The following FNIP1 variants were observed in gnomAD, a reference collection of about 807,000 sequenced individuals.
The protein encoded by FNIP1 is folliculin interacting protein 1.
Under a neutral mutation model 124.5 loss-of-function variants are expected in FNIP1, and 40 were observed. The observed-to-expected ratio is 0.32, with a 90% CI of 0.25 to 0.42. The LOEUF (loss-of-function observed/expected upper bound fraction) is 0.42. FNIP1 is among the 10% of genes least tolerant of loss of function. The pLI, the probability that FNIP1 is intolerant of heterozygous loss-of-function variation, is 1.00. For synonymous variants in FNIP1, 472 were observed against 470.6 expected, an observed-to-expected ratio of 1.00 and a Z score of -0.04; for missense variants, 1,176 against 1,403.7, an observed-to-expected ratio of 0.84 and a Z score of 2.59.
At chr5:131,723,013 T>C (rs1769726493) in intron 3 of FNIP1, among the ~76,000 whole-genome samples, 1 of 152,164 alleles carries the variant, frequency 6.6e-6, no homozygotes, top group Admixed American at 6.6e-5. Context: ...AAAAAAGTCA[T>C]TTCTGTCATA....
intron 10 of FNIP1, among the ~76,000 whole-genome samples, chr5:131,703,551 A>G (rs919188039): frequency 6.6e-6 from 1 of 152,226 alleles, no homozygotes; most frequent in African/African-American, 2.4e-5. Flanking sequence ...TACTCCTGCA[A>G]TAAGGCCTTT....
At chr5:131,712,175 T>C (rs142266907) in intron 6 of FNIP1, among the ~76,000 whole-genome samples, 41 of 151,910 alleles carry the variant, frequency 2.7e-4, no homozygotes, top group African/African-American at 9.6e-4. Context: ...TATTAAAAAA[T>C]CCTAAGTTCC....
At chr5:131,676,766 G>A (rs897856979) in intron 13 of FNIP1, among the ~76,000 whole-genome samples, 3 of 152,082 alleles carry the variant, frequency 2.0e-5, no homozygotes, top group African/African-American at 7.2e-5. Context: ...TTAAAAAAAT[G>A]CATTTACTGT....
intron 1 of FNIP1, among the ~76,000 whole-genome samples, chr5:131,753,126 A>C (rs929995109): frequency 6.6e-6 from 1 of 152,114 alleles, no homozygotes; most frequent in African/African-American, 2.4e-5. Flanking sequence ...AAGCATTAAA[A>C]TGGCTAAAAC....
chr5:131,724,419 C>T (rs181036711), intron 3 of FNIP1, among the ~76,000 whole-genome samples: 2 of 152,190 alleles, frequency 1.3e-5, no homozygotes, highest in African/African-American at 2.4e-5. Context: ...GCTTGAGATG[C>T]TTATCTCATC....
intron 1 of FNIP1, among the ~76,000 whole-genome samples, chr5:131,748,709 G>GAAA (rs1189333248): frequency 1.0e-5 from 1 of 97,858 alleles, no homozygotes; most frequent in Non-Finnish European, 2.1e-5. Context: ...AAAAAAAAAA[G>GAAA]AAAAAAAAAA....
In FNIP1 at chr5:131,791,983, C is replaced by T. The variant is rs1055760929; in HGVS notation, c.92+4847G>A. On this transcript the variant is annotated intron_variant, in intron 1 of 17. Transcript: ENST00000510461. ...GGGCCCAAACTAAGTGGTTTTTACA[C>T]AAAACTGATATAACAGTAACAACTA... Among the ~76,000 whole-genome samples the T allele has an allele frequency of 2.6e-5, 4 of 152,150 alleles. No homozygotes were observed. In the South Asian group the frequency reaches 6.2e-4, roughly 24 times the overall value.
intron 8 of FNIP1, among the ~76,000 whole-genome samples, chr5:131,707,180 C>G (rs1561666114): frequency 6.6e-6 from 1 of 152,194 alleles, no homozygotes; most frequent in Non-Finnish European, 1.5e-5. Context: ...TCCCGAAACA[C>G]TTCTGTGAAA....
At chr5:131,714,342 GCATTTTCCT>G (rs1181072528) in intron 6 of FNIP1, among the ~76,000 whole-genome samples, 2 of 152,046 alleles carry the variant, frequency 1.3e-5, no homozygotes, top group African/African-American at 2.4e-5. Context: ...GCCTTTCCCA[GCATTTTCCT>G]CATTTTCCTT....
intron 11 of FNIP1, among the ~76,000 whole-genome samples, chr5:131,682,712 G>A (rs906049789): frequency 1.4e-5 from 2 of 148,066 alleles, no homozygotes; most frequent in African/African-American, 5.1e-5. Flanking sequence ...GCAAGACTCC[G>A]TCTCAAAAAA....
chr5:131,785,212 TA>T (rs1554100710), intron 1 of FNIP1, among the ~76,000 whole-genome samples: 2 of 146,464 alleles, frequency 1.4e-5, no homozygotes, highest in African/African-American at 5.0e-5. Flanking sequence ...ATATATATCA[TA>T]ACGCTATTGG....
Position 131,643,055 on chromosome 5 carries a change from T to G in FNIP1, c.*1630A>C, listed in dbSNP as rs994858704. ...TCCACAAACACTCCTTGGCAGCAAGTCATCCATGGGAGACTCAGGTAATAA... is the reference window on the plus strand; with the variant it reads ...TCCACAAACACTCCTTGGCAGCAAGGCATCCATGGGAGACTCAGGTAATAA... On this transcript the variant is annotated 3_prime_UTR_variant, in exon 18 of 18. Coordinates refer to ENST00000510461, the MANE Select transcript of FNIP1 (RefSeq NM_133372.3). 6 of 152,286 alleles carry G rather than the reference T, an allele frequency of 3.9e-5. No individual in the cohort carries two copies. Among genetic ancestry groups the G allele is most frequent in the African/African-American group, 1.4e-4 (6 of 41,430 alleles). 9.4% of individuals were successfully genotyped at this position (152,286 alleles called of 1,614,324 possible).
chr5:131,750,915 G>A (rs1002234826), intron 1 of FNIP1, among the ~76,000 whole-genome samples: 9 of 152,116 alleles, frequency 5.9e-5, no homozygotes, highest in African/African-American at 2.2e-4. Flanking sequence ...TTTTTAAAAG[G>A]TGCCTAATAT....
At chr5:131,789,033 T>G (rs1028690029) in intron 1 of FNIP1, among the ~76,000 whole-genome samples, 13 of 152,124 alleles carry the variant, frequency 8.5e-5, no homozygotes, top group African/African-American at 3.1e-4. Context: ...CATCAACAGA[T>G]GAATGGATAA....
At chr5:131,719,446 G>A (rs1769582573) in intron 3 of FNIP1, 29 bp from the exon 4 acceptor site, 1 of 1,534,910 alleles carries the variant, frequency 6.5e-7, no homozygotes, top group Non-Finnish European at 8.8e-7. Flanking sequence ...TTAACAAACT[G>A]TGTTAATTAA....
intron 2 of FNIP1, among the ~76,000 whole-genome samples, chr5:131,735,825 G>T (rs562403140): frequency 5.4e-4 from 82 of 151,568 alleles, no homozygotes; most frequent in African/African-American, 1.9e-3. Context: ...GTGTGTGTGT[G>T]TGTGTATTTT....
At chr5:131,666,429 G>A (rs757334563) in intron 15 of FNIP1, among the ~76,000 whole-genome samples, 34 of 152,158 alleles carry the variant, frequency 2.2e-4, no homozygotes, top group Admixed American at 2.0e-4. Flanking sequence ...ATAGTGGAAG[G>A]AATCCAAGAG....
intron 3 of FNIP1, among the ~76,000 whole-genome samples, chr5:131,723,938 C>T (rs1245513269): frequency 1.3e-5 from 2 of 151,666 alleles, no homozygotes; most frequent in African/African-American, 4.8e-5. Flanking sequence ...ACAACTCCCA[C>T]TTATGAGTGA....
At position 131,672,715 on chromosome 5, in the gene FNIP1, C is replaced by T; in HGVS notation, c.1729G>A (p.Glu577Lys). ...TVITTTLEKG[E>K]IEESEYVLVT... ...AGGACATACTCTGATTCTTCTATTT[C>T]ACCTTTCTCTAAAGTGGTAGTAATT... The change falls in exon 14 of 18, where the codon GAA (glutamate) becomes AAA (lysine). Residue 577 changes from glutamate to lysine, a missense_variant. This residue lies in a region of FNIP1 where 1,109 missense variants were observed against 1,288.5 expected (regional missense o/e 0.86). Transcript: ENST00000510461. The T allele has an allele frequency of 6.2e-7, 1 of 1,613,632 alleles. No homozygotes were observed. Among genetic ancestry groups the T allele is most frequent in the Non-Finnish European group, 8.5e-7 (1 of 1,179,746 alleles).
Sources: gnomAD v4.1 joint callset for allele counts (sites outside exome capture counted in the v4.1 genomes callset) on GRCh38, gnomAD v4.1.1 for gene constraint, gnomAD v4.1.1 regional missense constraint, MANE v1.5 for transcripts, NCBI Gene and HGNC (gene_info 2026-07-23, HGNC 2026-07-21) for gene names.